FAM219A: variants seen among roughly 807,000 people sequenced by gnomAD.
FAM219A encodes family with sequence similarity 219 member A.
Under a neutral mutation model 23.4 loss-of-function variants are expected in FAM219A, and 7 were observed. The ratio of observed to expected loss-of-function variants is 0.30; its 90% CI spans 0.17 to 0.56. The LOEUF (loss-of-function observed/expected upper bound fraction) is 0.56, where lower values mean the gene tolerates loss of function less well. Among genes scored for constraint, FAM219A ranks in the 20% least tolerant of loss-of-function variants. The pLI is 0.92. For synonymous variants in FAM219A, 93 were observed against 99.0 expected, an observed-to-expected ratio of 0.94 and a Z score of 0.36; for missense variants, 166 against 246.9, an observed-to-expected ratio of 0.67 and a Z score of 2.20.
chr9:34,430,629 T>TC (rs1564010048), intron 1 of FAM219A, among the ~76,000 whole-genome samples: 2 of 78,788 alleles, frequency 2.5e-5, no homozygotes, highest in African/African-American at 1.2e-4. Context: ...AGAGCAAGAC[T>TC]CCGTCTCAAA....
chr9:34,452,187 T>C (rs1188638959), intron 1 of FAM219A, among the ~76,000 whole-genome samples: 1 of 152,220 alleles, frequency 6.6e-6, no homozygotes, highest in Non-Finnish European at 1.5e-5. Flanking sequence ...AAGTATTCAC[T>C]GGCAGATGAG....
Position 34,458,288 on chromosome 9 carries a change from G to A in FAM219A, c.-25C>T, listed in dbSNP as rs779597315. On this transcript the variant is annotated 5_prime_UTR_variant, in exon 1 of 6. Transcript: ENST00000651358. The surrounding 1 kb of genome is among the most constrained non-coding windows in gnomAD (Gnocchi z 6.6). ...TGGTGCCGGCGGGCGAGCGGGCCAG[G>A]GGCCGGGCGCGGCCGCGGACGCCGA... The A allele has an allele frequency of 2.9e-6, 4 of 1,402,122 alleles. No homozygotes were observed. The highest frequency in any genetic ancestry group is 3.0e-5 in the East Asian group (1 of 33,374). The allele number at this position is 1,402,122 out of a possible 1,614,324, so 86.9% of individuals were successfully genotyped here.
intron 1 of FAM219A, among the ~76,000 whole-genome samples, chr9:34,411,082 C>T (rs1368006880): frequency 2.6e-5 from 4 of 152,160 alleles, no homozygotes; most frequent in African/African-American, 9.7e-5. Context: ...GTAGCCCTGA[C>T]ACCACATAGG....
chr9:34,450,424 T>C (rs568486293), intron 1 of FAM219A, among the ~76,000 whole-genome samples: 18 of 152,088 alleles, frequency 1.2e-4, no homozygotes, highest in Non-Finnish European at 2.1e-4. Context: ...ATTCAATACA[T>C]CTTTTTTTTT....
chr9:34,402,949 C>A, intron 2 of FAM219A, 142 bp from the exon 3 acceptor site: 1 of 681,900 alleles, frequency 1.5e-6, no homozygotes, highest in Non-Finnish European at 2.5e-6. Flanking sequence ...CTCCAGGCCC[C>A]TGCTGCTTGG....
chr9:34,406,207 A>G (rs1821631555), intron 1 of FAM219A: 22 of 833,902 alleles, frequency 2.6e-5, no homozygotes, highest in Non-Finnish European at 2.7e-5. Context: ...CTGTCCTCAA[A>G]GTCCTGTGTG....
intron 1 of FAM219A, among the ~76,000 whole-genome samples, chr9:34,446,172 CA>C (rs11352681): frequency 0.5 from 53,685 of 107,680 alleles, 10,168 homozygotes; most frequent in African/African-American, 0.56. Context: ...GACTCTGTCT[CA>C]AAAAAAAAAA....
intron 1 of FAM219A, among the ~76,000 whole-genome samples, chr9:34,408,571 T>G (rs1484926935): frequency 6.6e-6 from 1 of 152,198 alleles, no homozygotes; most frequent in East Asian, 1.9e-4. Flanking sequence ...CCACATCCAT[T>G]TGGAAAAGGC....
intron 1 of FAM219A, among the ~76,000 whole-genome samples, chr9:34,421,045 A>AGAGAGAG (rs68047702): frequency 5.4e-4 from 63 of 117,190 alleles, no homozygotes; most frequent in East Asian, 9.5e-4. Context: ...AGAGAGAGAG[A>AGAGAGAG]ATGGCTCTGC....
At chr9:34,454,581 G>A (rs1823668480) in intron 1 of FAM219A, among the ~76,000 whole-genome samples, 1 of 151,990 alleles carries the variant, frequency 6.6e-6, no homozygotes, top group African/African-American at 2.4e-5. Context: ...CTCCTTTCAG[G>A]CAAACTCCCA....
Position 34,457,545 on chromosome 9 carries a change from T to C in FAM219A, c.60+659A>G, listed in dbSNP as rs1823791363. 1 of 152,868 alleles carries C rather than the reference T, an allele frequency of 6.5e-6. No homozygotes were observed. The highest frequency in any genetic ancestry group is 2.4e-5 in the African/African-American group (1 of 41,450). 9.5% of individuals were successfully genotyped at this position (152,868 alleles called of 1,614,324 possible). A position where few individuals can be genotyped will look rare whatever the true frequency, so the allele number is the denominator to read the frequency against. On this transcript the variant is annotated intron_variant, in intron 1 of 5. Transcript: ENST00000651358. This position sits in a 1 kb window ranked among gnomAD's most constrained non-coding sequence, Gnocchi z 5.1. ...GCGACCCCACTTCCTCTCCCGTCGG[T>C]TCCCGAGCACTCTCATCTGCACCCC...
rs145746411 is a variant in FAM219A, at chr9:34,438,343, G to A, written c.60+19861C>T. ...CTGAGGAGTGCGGGCGCATGGCACC[G>A]GGACTGGCAGGCAGCTCCACCTGCA... On this transcript the variant is annotated intron_variant, in intron 1 of 5. Coordinates refer to ENST00000651358, the MANE Select transcript of FAM219A (RefSeq NM_001184940.2). Among the ~76,000 whole-genome samples the A allele has an allele frequency of 2.8e-3, 422 of 152,350 alleles. 2 individuals are homozygous for A. Among genetic ancestry groups the A allele is most frequent in the African/African-American group, 9.2e-3 (384 of 41,584 alleles).
intron 1 of FAM219A, among the ~76,000 whole-genome samples, chr9:34,426,592 A>G (rs1822487881): frequency 6.6e-6 from 1 of 152,220 alleles, no homozygotes. Context: ...CACTGGACGT[A>G]GTAATGTAAT....
chr9:34,416,310 C>T (rs201760802), intron 1 of FAM219A, among the ~76,000 whole-genome samples: 28 of 64,434 alleles, frequency 4.3e-4, no homozygotes, highest in Admixed American at 2.5e-3. Context: ...AAGGAAGGAA[C>T]GAAGGAAGGA....
chr9:34,455,545 C>T (rs1051657052), intron 1 of FAM219A, among the ~76,000 whole-genome samples: 2 of 150,088 alleles, frequency 1.3e-5, no homozygotes, highest in South Asian at 2.1e-4. Context: ...CGGCTCACTG[C>T]AGCCTCAACC....
intron 1 of FAM219A, among the ~76,000 whole-genome samples, chr9:34,434,551 T>C (rs1822834112): frequency 6.6e-6 from 1 of 151,444 alleles, no homozygotes. Context: ...CCAAGTTTCC[T>C]GGTCCCTTTC....
At chr9:34,401,631 G>T in intron 5 of FAM219A, 35 bp downstream of exon 5, 1 of 1,596,698 alleles carries the variant, frequency 6.3e-7, no homozygotes, top group Non-Finnish European at 8.5e-7. Context: ...GATCCTGCCC[G>T]GTGGTGTCTA....
At position 34,398,699 on chromosome 9, in the gene FAM219A, G is replaced by A; in HGVS notation, c.*2265C>T. ...TCTAAATGAGCCCCCAAAAAGAGGA[G>A]GTACCCATGTTCTAGAAAGGTGAGC... is the stretch of plus-strand genomic sequence containing the variant. On this transcript the variant is annotated 3_prime_UTR_variant, in exon 6 of 6. Transcript: ENST00000651358. 3.5e-6 allele frequency: 1 copy of A among 288,080 alleles called. No individual in the cohort carries two copies. Among genetic ancestry groups the A allele is most frequent in the Non-Finnish European group, 6.7e-6 (1 of 150,192 alleles). 17.8% of individuals were successfully genotyped at this position (288,080 alleles called of 1,614,324 possible).
At chr9:34,439,192 ACACT>A (rs1466360492) in intron 1 of FAM219A, among the ~76,000 whole-genome samples, 4 of 152,244 alleles carry the variant, frequency 2.6e-5, no homozygotes, top group Non-Finnish European at 5.9e-5. Context: ...AAGAACTGTA[ACACT>A]CACCGCGAGG....
Sources: gnomAD v4.1 joint callset for allele counts (sites outside exome capture counted in the v4.1 genomes callset) on GRCh38, gnomAD v4.1.1 for gene constraint, Gnocchi (gnomAD v3.1) non-coding constraint, MANE v1.5 for transcripts, NCBI Gene and HGNC (gene_info 2026-07-23, HGNC 2026-07-21) for gene names.